The following GMDS variants were observed in gnomAD, a reference collection of about 807,000 sequenced individuals.
GMDS encodes the protein GDP-mannose 4,6-dehydratase, also known as GDP-mannose 4,6 dehydratase.
Under a neutral mutation model 49.9 loss-of-function variants are expected in GMDS, and 20 were observed. The ratio of observed to expected loss-of-function variants is 0.40; its 90% confidence interval spans 0.28 to 0.58. GMDS has a LOEUF of 0.58. Ranked by LOEUF, GMDS falls within the 20% of genes least tolerant of loss-of-function variation. The pLI is 0.42. For missense variants in GMDS, 362 were observed against 481.4 expected (o/e 0.75, Z 2.32); for synonymous variants, 177 against 178.6 (o/e 0.99, Z 0.07).
At chr6:2,022,130 A>G (rs1236180741) in intron 4 of GMDS, among the ~76,000 whole-genome samples, 5 of 152,170 alleles carry the variant, frequency 3.3e-5, no homozygotes, top group Admixed American at 3.3e-4. Flanking sequence ...CAACTCTTAT[A>G]AGCTGTACCA....
chr6:2,075,248 A>G (rs62392572), intron 4 of GMDS, among the ~76,000 whole-genome samples: 1 of 151,856 alleles, frequency 6.6e-6, no homozygotes. Context: ...TTAATGCTAT[A>G]AATTTTTTTT....
chr6:1,957,286 A>C (rs1314377769), intron 6 of GMDS, among the ~76,000 whole-genome samples: 1 of 152,228 alleles, frequency 6.6e-6, no homozygotes, highest in African/African-American at 2.4e-5. Context: ...GCTTATTAGC[A>C]ATTAGGCATT....
intron 7 of GMDS, among the ~76,000 whole-genome samples, chr6:1,820,438 A>G (rs1770843591): frequency 6.6e-6 from 1 of 152,212 alleles, no homozygotes; most frequent in African/African-American, 2.4e-5. Context: ...CAAATATAAG[A>G]AATAACATTT....
At chr6:2,085,239 T>C (rs562524425) in intron 4 of GMDS, among the ~76,000 whole-genome samples, 2 of 152,342 alleles carry the variant, frequency 1.3e-5, no homozygotes, top group East Asian at 3.9e-4. Flanking sequence ...CTTATCTTTT[T>C]TATTCCTTTC....
At position 1,721,096 on chromosome 6, in the gene GMDS, T is replaced by C. The variant is rs1008296101; in HGVS notation, c.987+5320A>G. On this transcript the variant is annotated intron_variant, in intron 9 of 10. Transcript: ENST00000380815. Reference sequence around the variant, plus strand: ...CCTGAGGTCTGGAAAGTGTTACATATCATTATTCTAAACAGGGCTATGAGA... The same window carrying C: ...CCTGAGGTCTGGAAAGTGTTACATACCATTATTCTAAACAGGGCTATGAGA... Among the ~76,000 whole-genome samples, 3 of 152,052 alleles carry C rather than the reference T, an allele frequency of 2.0e-5. No homozygotes were observed. In the East Asian group the frequency reaches 5.8e-4, roughly 29 times the overall value.
intron 7 of GMDS, among the ~76,000 whole-genome samples, chr6:1,763,318 G>A (rs1454450374): frequency 1.3e-5 from 2 of 152,250 alleles, no homozygotes; most frequent in Non-Finnish European, 2.9e-5. Context: ...TCTGATTTCA[G>A]TGAGAGGACT....
chr6:1,925,819 C>A (rs541793842), intron 7 of GMDS, among the ~76,000 whole-genome samples: 148 of 152,190 alleles, frequency 9.7e-4, no homozygotes, highest in African/African-American at 3.5e-3. Flanking sequence ...CCTGCCTTCA[C>A]GCCCAAATGC....
At chr6:1,779,386 A>G (rs1768981809) in intron 7 of GMDS, among the ~76,000 whole-genome samples, 1 of 152,204 alleles carries the variant, frequency 6.6e-6, no homozygotes, top group Non-Finnish European at 1.5e-5. Context: ...GTCACAGATC[A>G]GGTGAATTAA....
chr6:1,637,397 A>G (rs1465870474), intron 9 of GMDS, among the ~76,000 whole-genome samples: 2 of 152,240 alleles, frequency 1.3e-5, no homozygotes, highest in Non-Finnish European at 2.9e-5. Context: ...TGGTGTGCTG[A>G]ACAAGGCCCC....
chr6:2,058,046 C>G (rs1431588986), intron 4 of GMDS, among the ~76,000 whole-genome samples: 2 of 152,018 alleles, frequency 1.3e-5, no homozygotes, highest in African/African-American at 4.8e-5. Flanking sequence ...TACCTCACAT[C>G]AAGTGTTTCA....
At chr6:1,874,244 C>A (rs1459505851) in intron 7 of GMDS, among the ~76,000 whole-genome samples, 2 of 152,144 alleles carry the variant, frequency 1.3e-5, no homozygotes, top group East Asian at 3.8e-4. Flanking sequence ...AAATGTTAGG[C>A]TGGTAGAAAG....
chr6:1,999,994 T>TATAAA (rs1554144048), intron 4 of GMDS, among the ~76,000 whole-genome samples: 5 of 14,642 alleles, frequency 3.4e-4, no homozygotes, highest in Non-Finnish European at 7.6e-4. Flanking sequence ...TATATATATA[T>TATAAA]ATTATATATA....
chr6:1,891,023 C>T (rs1304405974), intron 7 of GMDS, among the ~76,000 whole-genome samples: 1 of 152,226 alleles, frequency 6.6e-6, no homozygotes, highest in Non-Finnish European at 1.5e-5. Flanking sequence ...AATGTATGGG[C>T]TTATATTTTA....
At chr6:2,048,243 C>T (rs1176757790) in intron 4 of GMDS, among the ~76,000 whole-genome samples, 1 of 152,166 alleles carries the variant, frequency 6.6e-6, no homozygotes, top group African/African-American at 2.4e-5. Flanking sequence ...TTTTAGAAGG[C>T]TAATTATTTT....
intron 1 of GMDS, among the ~76,000 whole-genome samples, chr6:2,232,574 T>G (rs1196388): frequency 0.036 from 5,556 of 152,280 alleles, 271 homozygotes; most frequent in African/African-American, 0.11. Flanking sequence ...ATTTTCTATC[T>G]TCGTTCAGGT....
intron 8 of GMDS, among the ~76,000 whole-genome samples, chr6:1,729,979 G>T (rs982519393): frequency 9.9e-5 from 15 of 152,158 alleles, no homozygotes; most frequent in African/African-American, 3.6e-4. Context: ...GACCTAAGTT[G>T]GTGGGGGCGG....
At chr6:2,088,365 T>G (rs1416645612) in intron 4 of GMDS, among the ~76,000 whole-genome samples, 1 of 152,244 alleles carries the variant, frequency 6.6e-6, no homozygotes, top group East Asian at 1.9e-4. Context: ...ATAATAGGAA[T>G]CTGCTTTGCC....
chr6:1,861,684 G>C (rs981769539), intron 7 of GMDS, among the ~76,000 whole-genome samples: 5 of 152,074 alleles, frequency 3.3e-5, no homozygotes, highest in African/African-American at 1.2e-4. Context: ...CAGGGAAATG[G>C]GCTAATTGGC....
intron 7 of GMDS, among the ~76,000 whole-genome samples, chr6:1,745,099 C>A (rs1385073550): frequency 1.3e-5 from 2 of 152,216 alleles, no homozygotes; most frequent in Admixed American, 6.5e-5. Context: ...CGTTCTTCTG[C>A]GGGATTAGAT....
Sources: allele counts gnomAD v4.1 joint callset (sites outside exome capture counted in the v4.1 genomes callset), GRCh38; gene constraint gnomAD v4.1.1; transcripts MANE v1.5; gene names NCBI Gene and HGNC (gene_info 2026-07-23, HGNC 2026-07-21).